The following CUL9 variants were observed in gnomAD, a reference collection of about 807,000 sequenced individuals.
The protein encoded by CUL9 is cullin 9, also known as cullin-9.
Under a neutral mutation model 272.6 loss-of-function variants are expected in CUL9, and 79 were observed. That is an observed-to-expected ratio of 0.29 (90% CI 0.24 to 0.35). The LOEUF (loss-of-function observed/expected upper bound fraction) is 0.35. Ranked by LOEUF, CUL9 falls within the 10% of genes least tolerant of loss-of-function variation. CUL9 has a pLI of 1.00. For missense variants in CUL9, 2,532 were observed against 3,255.6 expected (o/e 0.78, Z 5.41); for synonymous variants, 1,186 against 1,286.5 (o/e 0.92, Z 1.67).
intron 1 of CUL9, among the ~76,000 whole-genome samples, chr6:43,183,750 T>C (rs1235523098): frequency 2.0e-5 from 3 of 151,770 alleles, no homozygotes; most frequent in Non-Finnish European, 4.4e-5. Context: ...CTCTCTCTCT[T>C]TCTTTCTTTT....
chr6:43,222,434 T>C (rs1562065604), intron 36 of CUL9, 44 bp downstream of exon 36: 1 of 1,558,804 alleles, frequency 6.4e-7, no homozygotes, highest in Non-Finnish European at 8.8e-7. Flanking sequence ...CAGAAGCAGG[T>C]TGGGGTGGTG....
chr6:43,183,706 CTT>C (rs1772643351), intron 1 of CUL9, among the ~76,000 whole-genome samples: 2 of 112,526 alleles, frequency 1.8e-5, no homozygotes, highest in Admixed American at 1.8e-4. Flanking sequence ...TCCTTCCTTT[CTT>C]CCTTCCTTCC....
At chr6:43,222,486 TG>T in intron 36 of CUL9, 44 bp from the exon 37 acceptor site, 1 of 1,601,774 alleles carries the variant, frequency 6.2e-7, no homozygotes, top group Non-Finnish European at 8.6e-7. Context: ...GGGCAGGTGG[TG>T]CTGCGCCACC....
At chr6:43,222,104 G>T (rs1776415728) in intron 35 of CUL9, 1 of 606,438 alleles carries the variant, frequency 1.6e-6, no homozygotes, top group African/African-American at 1.8e-5. Context: ...TGCTTAGCAT[G>T]TGGCTTTGAG....
chr6:43,199,240 T>G lies in CUL9; in HGVS notation c.3051-26T>G, dbSNP rs768677099. ...CATGAGCCACTGTGCCTGGCCTGAC[T>G]TCACTCGTTTCTACCCCCTCACCAG... On this transcript the variant is annotated intron_variant, in intron 12 of 40. Coordinates refer to ENST00000252050, the MANE Select transcript of CUL9 (RefSeq NM_015089.4). The surrounding 1 kb of genome is among the most constrained non-coding windows in gnomAD (Gnocchi z 4.4). 1.4e-5 allele frequency: 22 copies of G among 1,584,854 alleles called. No homozygotes were observed. The highest frequency in any genetic ancestry group is 1.2e-5 in the Non-Finnish European group (14 of 1,154,290).
In CUL9 at chr6:43,221,268, C is replaced by T. The variant is rs1158390452; in HGVS notation, c.6699C>T (p.Ser2233=). 5 of 1,611,554 alleles carry T rather than the reference C, an allele frequency of 3.1e-6. No individual in the cohort carries two copies. The highest frequency in any genetic ancestry group is 3.4e-6 in the Non-Finnish European group (4 of 1,179,976). ...GCAAGCACCTGGCCAAGCTCATCTC[C>T]AAGCGCTGTCCCAGCTGTCAGGCTC... The part of the protein sequence containing the change: ...AQSKHLAKLI[S]KRCPSCQAPI... Residue 2233 remains serine (S), a synonymous_variant, in exon 34 of 41, where the codon TCC becomes TCT. Coordinates refer to ENST00000252050, the MANE Select transcript of CUL9 (RefSeq NM_015089.4). This position sits in a 1 kb window ranked among gnomAD's most constrained non-coding sequence, Gnocchi z 4.2.
chr6:43,202,601 C>CT, intron 16 of CUL9, 115 bp from the exon 17 acceptor site: 1 of 836,468 alleles, frequency 1.2e-6, no homozygotes, highest in African/African-American at 1.7e-5. Flanking sequence ...CCAGGTTGAT[C>CT]TTAAACTAGC....
chr6:43,187,293 C>T lies in CUL9; in HGVS notation c.1435C>T (p.Pro479Ser), dbSNP rs748743327. Reference sequence around the variant, plus strand: ...TCCTATGGATGGGCTGTACCCTTTGCCGTACCTCCAGCCCGAACCTCAGAA... The same window carrying T: ...TCCTATGGATGGGCTGTACCCTTTGTCGTACCTCCAGCCCGAACCTCAGAA... ...WNPMDGLYPL[P>S]YLQPEPQKNE... Residue 479 changes from proline to serine, a missense_variant, in exon 6 of 41, where the codon CCG becomes TCG. Around this residue, in one of 3 missense-constraint regions of CUL9, gnomAD observed 2,218 missense variants for 2,788.6 expected, o/e 0.80. Coordinates refer to ENST00000252050, the MANE Select transcript of CUL9 (RefSeq NM_015089.4). 4.3e-6 allele frequency: 7 copies of T among 1,614,054 alleles called. No homozygotes were observed. In the South Asian group the frequency reaches 7.7e-5, roughly 18 times the overall value.
rs932197682 is a variant in CUL9 at position 43,200,709 on chromosome 6, G to A, written c.3522G>A (p.Glu1174=). ...AGGACAAGTGCTGGGAGAAGGTGGA[G>A]GTGTCCTCCAACCCGCACCGAGCCA... ...VKEDKCWEKV[E]VSSNPHRASK... The change falls in exon 16 of 41, where the codon GAG becomes GAA. Residue 1174 remains glutamate (E), a synonymous_variant. Transcript: ENST00000252050. This position sits in a 1 kb window ranked among gnomAD's most constrained non-coding sequence, Gnocchi z 4.0. 1.2e-6 allele frequency: 2 copies of A among 1,614,062 alleles called. No individual in the cohort carries two copies. Among genetic ancestry groups the A allele is most frequent in the African/African-American group, 2.7e-5 (2 of 74,924 alleles).
chr6:43,204,647 C>T (rs1774904825), intron 21 of CUL9, 101 bp from the exon 22 acceptor site: 5 of 1,578,788 alleles, frequency 3.2e-6, no homozygotes, highest in East Asian at 2.2e-5. Context: ...CTTTCCAGGC[C>T]CCTGAGACCT....
intron 12 of CUL9, 22 bp downstream of exon 12, chr6:43,198,877 C>G (rs773061222): frequency 1.2e-6 from 2 of 1,605,772 alleles, no homozygotes; most frequent in Middle Eastern, 1.7e-4. Context: ...GTTGAGGCAC[C>G]ATGCATTGGG....
chr6:43,222,441 G>A (rs1323376514), intron 36 of CUL9, 51 bp downstream of exon 36: 1 of 1,597,392 alleles, frequency 6.3e-7, no homozygotes. Flanking sequence ...AGGTTGGGGT[G>A]GTGGGGTGGA....
In CUL9 at chr6:43,222,264, C is replaced by T. The variant is rs1033521517; in HGVS notation, c.6847-52C>T. ...ATGTTGGCTTTTCCACTTATTAACTCCCTCCTGTCCAAACAAAACACCCAA... is the reference window on the plus strand; with the variant it reads ...ATGTTGGCTTTTCCACTTATTAACTTCCTCCTGTCCAAACAAAACACCCAA... On this transcript the variant is annotated intron_variant, in intron 35 of 40. Transcript: ENST00000252050. 2.0e-6 allele frequency: 3 copies of T among 1,471,170 alleles called. No individual in the cohort carries two copies. The African/African-American group carries it at 4.2e-5, about 20-fold the overall frequency. 91.1% of individuals were successfully genotyped at this position (1,471,170 alleles called of 1,614,324 possible). A position where few individuals can be genotyped will look rare whatever the true frequency, so the allele number is the denominator to read the frequency against.
In CUL9 at chr6:43,223,729, CAG is replaced by C; in HGVS notation, c.7284+333_7284+334del. The stretch of plus-strand genomic sequence containing the variant: ...GATTTGAAATCCTAAGAGTGGGCAT[CAG>C]GGGATTGGGGTCACTGGAGCAAGGG... On this transcript the variant is annotated intron_variant, in intron 39 of 40. Coordinates refer to ENST00000252050, the MANE Select transcript of CUL9 (RefSeq NM_015089.4). This position sits in a 1 kb window ranked among gnomAD's most constrained non-coding sequence, Gnocchi z 4.1. The C allele has an allele frequency of 2.0e-6, 1 of 498,794 alleles. No individual in the cohort carries two copies. The allele number at this position is 498,794 out of a possible 1,614,324, so 30.9% of individuals were successfully genotyped here.
chr6:43,204,242 C>A, intron 20 of CUL9, 118 bp from the exon 21 acceptor site: 2 of 1,257,086 alleles, frequency 1.6e-6, no homozygotes, highest in Non-Finnish European at 2.2e-6. Flanking sequence ...GAGGGGAGGA[C>A]TAGGGCCCCA....
At chr6:43,205,973 C>A (rs749525414) in intron 24 of CUL9, 34 bp from the exon 25 acceptor site, 1 of 1,599,958 alleles carries the variant, frequency 6.3e-7, no homozygotes. Context: ...CTGGCACCCA[C>A]ACTGAGGCTT....
chr6:43,185,513 T>C lies in CUL9; in HGVS notation c.653T>C (p.Met218Thr). ...CAGCAAGATGGCATCGAGCAGCACA[T>C]GGATTTTGACAGTCGCTATACATTG... The part of the protein sequence containing the change: ...LSQQDGIEQH[M>T]DFDSRYTLLE... Residue 218 changes from methionine (M) to threonine (T), a missense_variant, in exon 3 of 41, where the codon ATG (methionine) becomes ACG (threonine). This residue lies in a region of CUL9 where 2,218 missense variants were observed against 2,788.6 expected (regional missense o/e 0.80). Transcript: ENST00000252050. The C allele has an allele frequency of 6.2e-7, 1 of 1,614,000 alleles. No individual in the cohort carries two copies. The highest frequency in any genetic ancestry group is 8.5e-7 in the Non-Finnish European group (1 of 1,180,012).
chr6:43,204,498 A>C lies in CUL9; in HGVS notation c.4298A>C (p.Glu1433Ala). 6.2e-7 allele frequency: 1 copy of C among 1,614,030 alleles called. No individual in the cohort carries two copies. Residue 1433 changes from glutamate to alanine, a missense_variant, in exon 21 of 41, where the codon GAA becomes GCA. Glu to Ala is a moderately radical substitution (Grantham distance 107). This residue lies in a region of CUL9 where 2,218 missense variants were observed against 2,788.6 expected (regional missense o/e 0.80). Coordinates refer to ENST00000252050, the MANE Select transcript of CUL9 (RefSeq NM_015089.4). Reference protein sequence around the residue: ...RRLCHLLVHVEPPPGPSPEPS... With the variant: ...RRLCHLLVHVAPPPGPSPEPS... The stretch of plus-strand genomic sequence containing the variant: ...CTTTGCCACTTGCTGGTGCATGTGG[A>C]ACCTCCTCCTGGGCCTTCTCCTGAG...
chr6:43,185,002 G>A, intron 2 of CUL9, 97 bp downstream of exon 2: 2 of 932,508 alleles, frequency 2.1e-6, no homozygotes, highest in Non-Finnish European at 3.1e-6. Context: ...AGAACACCTA[G>A]TATTTGGTGA....
Sources: allele counts gnomAD v4.1 joint callset (sites outside exome capture counted in the v4.1 genomes callset), GRCh38; gene constraint gnomAD v4.1.1; regional missense constraint gnomAD v4.1.1; non-coding constraint Gnocchi (gnomAD v3.1); transcripts MANE v1.5; gene names NCBI Gene and HGNC (gene_info 2026-07-23, HGNC 2026-07-21).